CHEK1: variants seen among roughly 807,000 people sequenced by gnomAD.
CHEK1 encodes serine/threonine-protein kinase Chk1.
In CHEK1, 32 loss-of-function variants were observed where a neutral mutation model predicts 60.2. The ratio of observed to expected loss-of-function variants is 0.53; its 90% CI spans 0.40 to 0.71. The LOEUF (loss-of-function observed/expected upper bound fraction) is 0.71. Among genes scored for constraint, CHEK1 ranks in the 30% least tolerant of loss-of-function variants. The probability of loss-of-function intolerance (pLI) is 0.00; values close to 1 mark genes in which losing one functional copy is unlikely to be tolerated. For synonymous variants in CHEK1, 179 were observed against 187.2 expected (o/e 0.96, Z 0.36); for missense variants, 399 against 564.6 (o/e 0.71, Z 2.97).
At chr11:125,678,914 T>C (rs494296), downstream of CHEK1, among the ~76,000 whole-genome samples, 1 of 143,798 alleles carries the variant, frequency 7.0e-6, no homozygotes, top group African/African-American at 2.6e-5. Flanking sequence ...TCCATGTGGG[T>C]TGGGGATTCA....
At chr11:125,670,294 TG>T (rs1942178028) in intron 13 of CHEK1, among the ~76,000 whole-genome samples, 1 of 152,208 alleles carries the variant, frequency 6.6e-6, no homozygotes, top group South Asian at 2.1e-4. Flanking sequence ...TTATTGCCTT[TG>T]TTCACTTTGT....
At chr11:125,661,115 T>A (rs1252239133), downstream of CHEK1, among the ~76,000 whole-genome samples, 1 of 152,254 alleles carries the variant, frequency 6.6e-6, no homozygotes, top group African/African-American at 2.4e-5. Context: ...CTTTTCTAAA[T>A]CATATAAAAT....
chr11:125,672,836 C>T (rs1942267888), intron 13 of CHEK1: 2 of 1,250,250 alleles, frequency 1.6e-6, no homozygotes, highest in African/African-American at 1.5e-5. Context: ...TCCATTATCC[C>T]TTCTCTTTCT....
At chr11:125,640,490 C>G (rs1043342357) in intron 8 of CHEK1, among the ~76,000 whole-genome samples, 2 of 149,280 alleles carry the variant, frequency 1.3e-5, no homozygotes, top group East Asian at 4.0e-4. Flanking sequence ...TGCAGTGAGC[C>G]GAGATCGCAC....
chr11:125,667,912 C>T (rs1043573092), intron 13 of CHEK1, among the ~76,000 whole-genome samples: 2 of 152,130 alleles, frequency 1.3e-5, no homozygotes, highest in African/African-American at 4.8e-5. Context: ...CATGAGCCAC[C>T]ACACCTGGCT....
intron 13 of CHEK1, among the ~76,000 whole-genome samples, chr11:125,666,600 C>T (rs1591429780): frequency 6.6e-6 from 1 of 151,896 alleles, no homozygotes; most frequent in East Asian, 1.9e-4. Context: ...TGTTGAAGAC[C>T]CCTAATATTA....
intron 3 of CHEK1, among the ~76,000 whole-genome samples, chr11:125,628,330 G>A (rs1940709332): frequency 6.6e-6 from 1 of 152,266 alleles, no homozygotes; most frequent in African/African-American, 2.4e-5. Context: ...AATATTCGAT[G>A]TAGAATCAAA....
chr11:125,644,646 G>T lies in CHEK1; in HGVS notation c.1233+3G>T, dbSNP rs531335377. 5.0e-6 allele frequency: 8 copies of T among 1,611,252 alleles called. No individual in the cohort carries two copies. Among genetic ancestry groups the T allele is most frequent in the Non-Finnish European group, 6.8e-6 (8 of 1,179,156 alleles). Reference sequence around the variant, plus strand: ...GGAAGAAAAGTTGTATGAATCAGGTGTGTTTCATTGATTTTCATTATACCT... The same window carrying T: ...GGAAGAAAAGTTGTATGAATCAGGTTTGTTTCATTGATTTTCATTATACCT... On this transcript the variant is annotated splice_donor_region_variant and intron_variant, in intron 11 of 12. Coordinates refer to ENST00000438015, the MANE Select transcript of CHEK1 (RefSeq NM_001114122.3).
chr11:125,651,380 C>T (rs1413917761), intron 11 of CHEK1, among the ~76,000 whole-genome samples: 2 of 150,778 alleles, frequency 1.3e-5, no homozygotes, highest in African/African-American at 2.4e-5. Context: ...CTCTGCATCC[C>T]GGGTTCAAGC....
At chr11:125,680,203 C>T (rs1942734266), downstream of CHEK1, among the ~76,000 whole-genome samples, 2 of 152,226 alleles carry the variant, frequency 1.3e-5, no homozygotes. Context: ...CAGGAGGGAA[C>T]ACAGCACACC....
chr11:125,631,632 C>T (rs986868132), intron 5 of CHEK1, among the ~76,000 whole-genome samples: 6 of 150,346 alleles, frequency 4.0e-5, no homozygotes, highest in East Asian at 1.9e-4. Context: ...TGAGGTGGGA[C>T]GATTGAGTGA....
At chr11:125,666,186 T>C (rs1942096451) in intron 13 of CHEK1, among the ~76,000 whole-genome samples, 1 of 151,904 alleles carries the variant, frequency 6.6e-6, no homozygotes, top group Non-Finnish European at 1.5e-5. Flanking sequence ...GATTTTGATG[T>C]ATGTCATGTT....
At position 125,625,698 on chromosome 11, in the gene CHEK1, C is replaced by T; in HGVS notation, c.-335C>T. On this transcript the variant is annotated 5_prime_UTR_variant, in exon 1 of 13. Transcript: ENST00000438015. ...GCTTCCCCCAGCAGCGCTCGAGCAC[C>T]GCCCAGTCGAGCCTCACACCGGATG... 4.7e-6 allele frequency: 3 copies of T among 633,928 alleles called. No individual in the cohort carries two copies. Among genetic ancestry groups the T allele is most frequent in the Non-Finnish European group, 5.8e-6 (2 of 345,898 alleles). The allele number at this position is 633,928 out of a possible 1,614,324, so 39.3% of individuals were successfully genotyped here.
chr11:125,635,398 T>C, intron 6 of CHEK1, 31 bp from the exon 7 acceptor site: 1 of 1,316,192 alleles, frequency 7.6e-7, no homozygotes, highest in East Asian at 2.4e-5. Flanking sequence ...ATAAGAACAT[T>C]TAAAAAAACT....
intron 13 of CHEK1, among the ~76,000 whole-genome samples, chr11:125,665,102 T>C (rs554601245): frequency 1.3e-5 from 2 of 152,330 alleles, no homozygotes; most frequent in Admixed American, 1.3e-4. Flanking sequence ...GTAGATTTAT[T>C]TCTGGGTTCT....
At chr11:125,678,978 T>TATATATATA (rs1555078666), downstream of CHEK1, among the ~76,000 whole-genome samples, 104 of 88,442 alleles carry the variant, frequency 1.2e-3, 2 homozygotes, top group African/African-American at 1.3e-3. Context: ...TCTAGGCATA[T>TATATATATA]TATATATATA....
rs772555864 is a variant in CHEK1, at chr11:125,633,371, G to A, written c.613+20G>A. 3 of 1,491,844 alleles carry A rather than the reference G, an allele frequency of 2.0e-6. No individual in the cohort carries two copies. The highest frequency in any genetic ancestry group is 2.7e-6 in the Non-Finnish European group (3 of 1,123,148). 92.4% of individuals were successfully genotyped at this position (1,491,844 alleles called of 1,614,324 possible). On this transcript the variant is annotated intron_variant, in intron 6 of 12. Coordinates refer to ENST00000438015, the MANE Select transcript of CHEK1 (RefSeq NM_001114122.3). ...CTGGAGGTAAGAGCTATTTAATCAT[G>A]GTAAAACTCCTATAAAAAGTCAGAT...
chr11:125,632,770 G>A (rs1940915835), intron 5 of CHEK1, among the ~76,000 whole-genome samples: 1 of 152,064 alleles, frequency 6.6e-6, no homozygotes, highest in Non-Finnish European at 1.5e-5. Flanking sequence ...AGAAAGTTGT[G>A]CCTAACATAC....
At chr11:125,667,786 A>G (rs547912998) in intron 13 of CHEK1, among the ~76,000 whole-genome samples, 1 of 152,060 alleles carries the variant, frequency 6.6e-6, no homozygotes, top group South Asian at 2.1e-4. Context: ...ACGCCCGGCT[A>G]ATTTTTGTAT....
Sources: allele counts gnomAD v4.1 joint callset (sites outside exome capture counted in the v4.1 genomes callset), GRCh38; gene constraint gnomAD v4.1.1; transcripts MANE v1.5; gene names NCBI Gene and HGNC (gene_info 2026-07-23, HGNC 2026-07-21).